The following LRRFIP2 variants were observed in gnomAD, a reference collection of about 807,000 sequenced individuals.
The protein encoded by LRRFIP2 is LRR binding FLII interacting protein 2.
A neutral mutation model predicts 125.9 loss-of-function variants in LRRFIP2; 109 were observed. The ratio of observed to expected loss-of-function variants is 0.87; its 90% CI spans 0.74 to 1.01. LRRFIP2 has a LOEUF of 1.01. Among genes scored for constraint, LRRFIP2 ranks in the 50% least tolerant of loss-of-function variants. The pLI is 0.00. For missense variants in LRRFIP2, 850 were observed against 862.3 expected, an observed-to-expected ratio of 0.99 and a Z score of 0.18; for synonymous variants, 291 against 293.1, an observed-to-expected ratio of 0.99 and a Z score of 0.07.
At chr3:37,175,231 AT>A (rs2096642532), upstream of LRRFIP2, 6 of 152,362 alleles carry the variant, frequency 3.9e-5, no homozygotes, top group South Asian at 1.2e-3. Flanking sequence ...ACATAAAAAA[AT>A]TAAGTCACCT....
chr3:37,092,902 G>C (rs553338509), intron 17 of LRRFIP2, among the ~76,000 whole-genome samples: 2 of 151,842 alleles, frequency 1.3e-5, no homozygotes, highest in African/African-American at 4.8e-5. Flanking sequence ...GCAGAGGCAC[G>C]ATCTCGGCTC....
chr3:37,053,069 C>T lies in LRRFIP2; in HGVS notation c.*782G>A, dbSNP rs1437994112. 7.2e-5 allele frequency: 11 copies of T among 152,460 alleles called. No homozygotes were observed. The allele number at this position is 152,460 out of a possible 1,614,324, so 9.4% of individuals were successfully genotyped here. A position where few individuals can be genotyped will look rare whatever the true frequency, so the allele number is the denominator to read the frequency against. ...CAGATTTCCAATCTGCCTGCCCTGC[C>T]CTACCCTCCCCCTTTGGGTTTGTTT... On this transcript the variant is annotated 3_prime_UTR_variant, in exon 28 of 28. Coordinates refer to ENST00000336686, the MANE Select transcript of LRRFIP2 (RefSeq NM_006309.4).
chr3:37,086,330 A>G (rs1055627856), intron 18 of LRRFIP2, among the ~76,000 whole-genome samples: 5 of 152,252 alleles, frequency 3.3e-5, no homozygotes, highest in Non-Finnish European at 7.3e-5. Flanking sequence ...TCAAAATGTT[A>G]AATATAGTGT....
chr3:37,158,327 C>T (rs1359410876), intron 1 of LRRFIP2, among the ~76,000 whole-genome samples: 1 of 152,132 alleles, frequency 6.6e-6, no homozygotes, highest in Non-Finnish European at 1.5e-5. Context: ...GTGAAACAGG[C>T]CAGGCACGGT....
intron 2 of LRRFIP2, among the ~76,000 whole-genome samples, chr3:37,148,515 C>G (rs1386370582): frequency 6.6e-6 from 1 of 152,166 alleles, no homozygotes; most frequent in Non-Finnish European, 1.5e-5. Context: ...CAGAGCATGC[C>G]AGCTCCCAAA....
rs1237843180 is a variant in LRRFIP2 at position 37,102,986 on chromosome 3, A to T, written c.811T>A (p.Ser271Thr). 7.7e-6 allele frequency: 12 copies of T among 1,566,076 alleles called. No individual in the cohort carries two copies. The highest frequency in any genetic ancestry group is 1.2e-5 in the South Asian group (1 of 85,200). Residue 271 changes from serine (S) to threonine (T), a missense_variant, in exon 15 of 28, where the codon TCC becomes ACC. By Grantham distance (58) the Ser-to-Thr change is moderately conservative. Transcript: ENST00000336686. ...GAGACAACACTTCCCCTACGATTGG[A>T]GCGACTGAAATAATCAGCGGCAGAT... ...VVSAADYFSR[S>T]NRRGSVVSEV...
At chr3:37,138,541 A>C (rs1417733131) in intron 2 of LRRFIP2, among the ~76,000 whole-genome samples, 2 of 152,200 alleles carry the variant, frequency 1.3e-5, no homozygotes, top group South Asian at 4.1e-4. Flanking sequence ...AGGTACTTTA[A>C]GTATATAGTA....
rs911369776 is a variant in LRRFIP2, at chr3:37,129,076, C to T, written c.164G>A (p.Arg55Gln). The change falls in exon 3 of 28, where the codon CGA (arginine) becomes CAA (glutamine). Residue 55 changes from arginine (R) to glutamine (Q), a missense_variant. Arg to Gln is a conservative substitution (Grantham distance 43). Coordinates refer to ENST00000336686, the MANE Select transcript of LRRFIP2 (RefSeq NM_006309.4). ...ARDIRMRELE[R>Q]QQKEYSLHSF... Reference sequence around the variant, plus strand: ...CCCTCAAATTACCTCTTTTTGTTGTCGTTCCAGTTCTCTCATGCGTATATC... The same window carrying T: ...CCCTCAAATTACCTCTTTTTGTTGTTGTTCCAGTTCTCTCATGCGTATATC... 31 of 1,613,848 alleles carry T rather than the reference C, an allele frequency of 1.9e-5. No homozygotes were observed. Among genetic ancestry groups the T allele is most frequent in the Middle Eastern group, 1.6e-4 (1 of 6,082 alleles).
At position 37,075,973 on chromosome 3, in the gene LRRFIP2, G is replaced by A. The variant is rs116479434; in HGVS notation, c.1279-857C>T. On this transcript the variant is annotated intron_variant, in intron 19 of 27. Transcript: ENST00000336686. ...AAAGACTTTTAAATTAGTAATGTTG[G>A]GATAACTGGATATCCATTTGGAAAA... Among the ~76,000 whole-genome samples the A allele has an allele frequency of 8.0e-3, 1,217 of 152,132 alleles. 15 individuals carry two copies. Among genetic ancestry groups the A allele is most frequent in the South Asian group, 9.6e-3 (46 of 4,812 alleles).
chr3:37,057,678 T>C (rs981901319), intron 25 of LRRFIP2, among the ~76,000 whole-genome samples: 48 of 152,238 alleles, frequency 3.2e-4, no homozygotes, highest in African/African-American at 1.1e-3. Flanking sequence ...CAACATGTCT[T>C]TTCTTGGCAG....
chr3:37,146,963 C>A (rs546047178), intron 2 of LRRFIP2, among the ~76,000 whole-genome samples: 98 of 152,030 alleles, frequency 6.4e-4, no homozygotes, highest in Non-Finnish European at 9.6e-4. Flanking sequence ...TGCAATCTAT[C>A]CATTTGACAA....
chr3:37,114,920 T>C, intron 7 of LRRFIP2, 134 bp downstream of exon 7: 1 of 654,128 alleles, frequency 1.5e-6, no homozygotes. Context: ...CATTAGCTTT[T>C]TGCTTTGTTA....
chr3:37,057,310 C>G (rs2087163449), intron 25 of LRRFIP2, among the ~76,000 whole-genome samples: 2 of 152,230 alleles, frequency 1.3e-5, no homozygotes, highest in African/African-American at 4.8e-5. Context: ...AGACTGCTGA[C>G]AGCTACTGAA....
At chr3:37,125,976 T>G (rs149487376) in intron 4 of LRRFIP2, among the ~76,000 whole-genome samples, 2 of 152,026 alleles carry the variant, frequency 1.3e-5, no homozygotes, top group Non-Finnish European at 2.9e-5. Flanking sequence ...ATTTATTTTG[T>G]TTACCTTCAA....
At chr3:37,170,856 G>T (rs2096576366) in intron 1 of LRRFIP2, 1 of 152,206 alleles carries the variant, frequency 6.6e-6, no homozygotes. Context: ...GGTGAACGAT[G>T]TGAGCCCAGG....
intron 1 of LRRFIP2, among the ~76,000 whole-genome samples, chr3:37,173,533 C>A (rs1188033882): frequency 6.6e-6 from 1 of 152,166 alleles, no homozygotes; most frequent in Non-Finnish European, 1.5e-5. Flanking sequence ...TATTAAAGGA[C>A]CATCTCTCAA....
chr3:37,113,683 T>G (rs1431304290), intron 7 of LRRFIP2, among the ~76,000 whole-genome samples: 1 of 152,176 alleles, frequency 6.6e-6, no homozygotes, highest in Non-Finnish European at 1.5e-5. Flanking sequence ...TTGGAACAAT[T>G]AAAACAGGAC....
At chr3:37,171,666 A>G (rs1305099312) in intron 1 of LRRFIP2, among the ~76,000 whole-genome samples, 2 of 152,174 alleles carry the variant, frequency 1.3e-5, no homozygotes, top group East Asian at 1.9e-4. Flanking sequence ...TGGATCTCAA[A>G]CTCCATAGAG....
intron 24 of LRRFIP2, 26 bp downstream of exon 24, chr3:37,063,716 T>C: frequency 2.5e-6 from 4 of 1,574,520 alleles, no homozygotes; most frequent in Non-Finnish European, 3.5e-6. Context: ...TAAAATTATA[T>C]TACACTCCAA....
Sources: gnomAD v4.1 joint callset for allele counts (sites outside exome capture counted in the v4.1 genomes callset) on GRCh38, gnomAD v4.1.1 for gene constraint, MANE v1.5 for transcripts, NCBI Gene and HGNC (gene_info 2026-07-23, HGNC 2026-07-21) for gene names.